QSER1: variants seen among roughly 807,000 people sequenced by gnomAD.
QSER1 encodes the protein glutamine and serine rich 1, also known as glutamine and serine-rich protein 1.
In QSER1, 49 loss-of-function variants were observed where a neutral mutation model predicts 158.5. That is an observed-to-expected ratio of 0.31 (90% CI 0.25 to 0.39). QSER1 has a LOEUF of 0.39. Ranked by LOEUF, QSER1 falls within the 10% of genes least tolerant of loss-of-function variation. QSER1 has a pLI of 1.00. For missense variants in QSER1, 1,754 were observed against 2,010.3 expected (o/e 0.87, Z 2.44); for synonymous variants, 650 against 715.5 (o/e 0.91, Z 1.46).
Position 32,966,326 on chromosome 11 carries a change from A to G in QSER1, c.4996A>G (p.Thr1666Ala). 6.2e-7 allele frequency: 1 copy of G among 1,613,776 alleles called. No individual in the cohort carries two copies. Among genetic ancestry groups the G allele is most frequent in the South Asian group, 1.1e-5 (1 of 91,030 alleles). The change falls in exon 9 of 13, where the codon ACT becomes GCT. Residue 1666 changes from threonine to alanine, a missense_variant. Physicochemically the swap from Thr to Ala is moderately conservative, Grantham distance 58. Around this residue, in one of 2 missense-constraint regions of QSER1, gnomAD observed 1,707 missense variants for 1,919.6 expected, o/e 0.89. Coordinates refer to ENST00000650167, the MANE Select transcript of QSER1 (RefSeq NM_001076786.3). ...ATTTGAACCTCCCGCTCCCTTTGTC[A>G]CTCGCTTTTTGAACACAAGAGCAAT... ...EEFEPPAPFV[T>A]RFLNTRAMKE...
intron 4 of QSER1, among the ~76,000 whole-genome samples, chr11:32,953,458 A>G (rs925294310): frequency 1.3e-5 from 2 of 151,726 alleles, no homozygotes; most frequent in African/African-American, 4.8e-5. Context: ...GGCCCAAGCA[A>G]TTTTCGCATC....
At chr11:32,966,519 T>A in intron 9 of QSER1, 82 bp downstream of exon 9, 4 of 1,343,886 alleles carry the variant, frequency 3.0e-6, no homozygotes. Flanking sequence ...TATATGTTTA[T>A]ATGTGACTTG....
At chr11:32,972,799 A>G (rs1852892621) in intron 10 of QSER1, among the ~76,000 whole-genome samples, 1 of 152,210 alleles carries the variant, frequency 6.6e-6, no homozygotes, top group Non-Finnish European at 1.5e-5. Flanking sequence ...CAAAAAACCC[A>G]TCATGCTCTG....
intron 3 of QSER1, among the ~76,000 whole-genome samples, chr11:32,930,310 CAA>C (rs773390768): frequency 6.6e-6 from 1 of 152,116 alleles, no homozygotes; most frequent in Non-Finnish European, 1.5e-5. Flanking sequence ...TATGTTATCT[CAA>C]AAGTCTATTC....
chr11:32,913,247 G>A (rs1015451454), intron 1 of QSER1, among the ~76,000 whole-genome samples: 2 of 131,124 alleles, frequency 1.5e-5, no homozygotes, highest in South Asian at 2.6e-4. Context: ...CTGGAGTGCC[G>A]TGGCGCGATC....
At chr11:32,957,124 CTTTTTTTTTCTTTTTTT>C (rs1264075305) in intron 7 of QSER1, among the ~76,000 whole-genome samples, 29 of 140,240 alleles carry the variant, frequency 2.1e-4, no homozygotes, top group Admixed American at 3.5e-4. Flanking sequence ...TCTTTTTTTT[CTTTTTTTTTCTTTTTTT>C]TTTTTTTTTC....
intron 9 of QSER1, among the ~76,000 whole-genome samples, chr11:32,967,829 C>T (rs1176089474): frequency 6.6e-6 from 1 of 152,122 alleles, no homozygotes; most frequent in African/African-American, 2.4e-5. Context: ...ACCTGTATAT[C>T]AGTCATTTTC....
chr11:32,961,819 C>A (rs1485874375), intron 8 of QSER1, among the ~76,000 whole-genome samples: 1 of 152,166 alleles, frequency 6.6e-6, no homozygotes, highest in East Asian at 1.9e-4. Context: ...CATGTAAAAG[C>A]ATATATCATA....
chr11:32,976,070 T>C (rs1852971597), intron 12 of QSER1, among the ~76,000 whole-genome samples: 2 of 152,194 alleles, frequency 1.3e-5, no homozygotes, highest in Non-Finnish European at 2.9e-5. Context: ...TTTACAATGC[T>C]CTAAAATGCA....
Position 32,934,019 on chromosome 11 carries a change from G to C in QSER1, c.2761G>C (p.Glu921Gln). ...GCAGCAACTCCATCCTCAAAATTCT[G>C]AAGTTATGAAAATGGACCTCTCTGA... Reference protein sequence around the residue: ...SQQQLHPQNSEVMKMDLSESS... With the variant: ...SQQQLHPQNSQVMKMDLSESS... The change falls in exon 4 of 13, where the codon GAA becomes CAA. Residue 921 changes from glutamate (E) to glutamine (Q), a missense_variant. Around this residue, in one of 2 missense-constraint regions of QSER1, gnomAD observed 1,707 missense variants for 1,919.6 expected, o/e 0.89. Coordinates refer to ENST00000650167, the MANE Select transcript of QSER1 (RefSeq NM_001076786.3). The C allele has an allele frequency of 3.1e-6, 5 of 1,613,588 alleles. No individual in the cohort carries two copies. The highest frequency in any genetic ancestry group is 4.2e-6 in the Non-Finnish European group (5 of 1,179,860).
rs1590193170 is a variant in QSER1 at position 32,977,571 on chromosome 11, G to A, written c.*1097G>A. 6.6e-6 allele frequency: 1 copy of A among 152,614 alleles called. No individual in the cohort carries two copies. Among genetic ancestry groups the A allele is most frequent in the Admixed American group, 6.5e-5 (1 of 15,270 alleles). The allele number at this position is 152,614 out of a possible 1,614,324, so 9.5% of individuals were successfully genotyped here. ...TAGACTATTTGCAGTGTTAAACACA[G>A]CTTCCTTAACTCTTAGAACTGGAAG... On this transcript the variant is annotated 3_prime_UTR_variant, in exon 13 of 13. Transcript: ENST00000650167.
chr11:32,917,145 C>G (rs1171690641), intron 1 of QSER1, among the ~76,000 whole-genome samples: 1 of 152,212 alleles, frequency 6.6e-6, no homozygotes, highest in African/African-American at 2.4e-5. Flanking sequence ...TTTCATTTAG[C>G]ATAGTACTTC....
chr11:32,937,787 A>C (rs1029602122), intron 4 of QSER1, among the ~76,000 whole-genome samples: 1 of 151,966 alleles, frequency 6.6e-6, no homozygotes, highest in Non-Finnish European at 1.5e-5. Context: ...TGACAATTGA[A>C]TTTTTCATTG....
chr11:32,969,686 C>CTTT (rs1321422488), intron 10 of QSER1, among the ~76,000 whole-genome samples: 3 of 134,738 alleles, frequency 2.2e-5, no homozygotes, highest in Non-Finnish European at 1.6e-5. Flanking sequence ...CTTTTCTTTT[C>CTTT]TTTTTTTTTT....
In QSER1 at chr11:32,960,702, C is replaced by T. The variant is rs143206991; in HGVS notation, c.4969+2616C>T. 5.5e-3 allele frequency among the ~76,000 whole-genome samples: 843 copies of T among 152,330 alleles called. 5 individuals are homozygous for T. The highest frequency in any genetic ancestry group is 9.2e-3 in the Admixed American group (141 of 15,300). ...AATCAAAACGTTTGTTCTGAATTTG[C>T]TCTCAATTATAGTTTCTTCAAATGA... On this transcript the variant is annotated intron_variant, in intron 8 of 12. Transcript: ENST00000650167.
chr11:32,936,984 C>T (rs1252116426), intron 4 of QSER1, among the ~76,000 whole-genome samples: 4 of 152,128 alleles, frequency 2.6e-5, no homozygotes, highest in African/African-American at 7.2e-5. Context: ...GTGTCTAATC[C>T]TAATATGGTT....
intron 1 of QSER1, among the ~76,000 whole-genome samples, chr11:32,898,529 C>T (rs1471700337): frequency 7.1e-6 from 1 of 140,444 alleles, no homozygotes; most frequent in African/African-American, 2.6e-5. Flanking sequence ...CACACACACA[C>T]ATTGTAATGT....
At chr11:32,960,218 A>T (rs1029459610) in intron 8 of QSER1, among the ~76,000 whole-genome samples, 1 of 152,192 alleles carries the variant, frequency 6.6e-6, no homozygotes, top group Non-Finnish European at 1.5e-5. Flanking sequence ...TAGCTTAAAA[A>T]AATAATAATA....
Position 32,904,596 on chromosome 11 carries a change from C to G in QSER1, c.209+11262C>G, listed in dbSNP as rs976336572. Among the ~76,000 whole-genome samples, 8 of 148,716 alleles carry G rather than the reference C, an allele frequency of 5.4e-5. No homozygotes were observed. In the South Asian group the frequency reaches 1.3e-3, roughly 24 times the overall value. On this transcript the variant is annotated intron_variant, in intron 1 of 12. Transcript: ENST00000650167. ...GGATGTGGGCCTGGTTTCAGCATAT[C>G]CACTCTTTTTTTTTTTTTTTTTTTT...
Sources: allele counts gnomAD v4.1 joint callset (sites outside exome capture counted in the v4.1 genomes callset), GRCh38; gene constraint gnomAD v4.1.1; regional missense constraint gnomAD v4.1.1; transcripts MANE v1.5; gene names NCBI Gene and HGNC (gene_info 2026-07-23, HGNC 2026-07-21).